Variants in SHANK2 observed in about 807,000 individuals in gnomAD.
The protein encoded by SHANK2 is SH3 and multiple ankyrin repeat domains 2.
SHANK2 carries 43 observed loss-of-function variants against 133.7 expected under a neutral mutation model. That is an observed-to-expected ratio of 0.32 (90% confidence interval 0.25 to 0.41). SHANK2 has a LOEUF of 0.41. Among genes scored for constraint, SHANK2 ranks in the 10% least tolerant of loss-of-function variants. The pLI is 1.00. For synonymous variants in SHANK2, 1,017 were observed against 952.8 expected (o/e 1.07, Z -1.24); for missense variants, 1,994 against 2,235.8 (o/e 0.89, Z 2.18).
chr11:70,521,789 C>T (rs1222753995), intron 17 of SHANK2, among the ~76,000 whole-genome samples: 3 of 152,216 alleles, frequency 2.0e-5, no homozygotes, highest in Admixed American at 6.5e-5. Context: ...GCCTTTCCCA[C>T]GTAACAACAC....
chr11:70,521,128 T>C (rs2059325064), intron 17 of SHANK2, among the ~76,000 whole-genome samples: 1 of 152,218 alleles, frequency 6.6e-6, no homozygotes, highest in South Asian at 2.1e-4. Context: ...TCAACAGAAA[T>C]TTAGGATGAT....
intron 17 of SHANK2, among the ~76,000 whole-genome samples, chr11:70,655,155 G>T (rs478994): frequency 0.27 from 41,171 of 152,130 alleles, 5,664 homozygotes; most frequent in Non-Finnish European, 0.29. Flanking sequence ...CACATTGATT[G>T]TGAAAACATT....
At chr11:70,941,845 AATAATATAATAT>A (rs1950652478) in intron 10 of SHANK2, among the ~76,000 whole-genome samples, 1 of 150,994 alleles carries the variant, frequency 6.6e-6, no homozygotes, top group African/African-American at 2.4e-5. Flanking sequence ...GTGTTATAAC[AATAATATAATAT>A]ATAATAATAA....
chr11:70,658,928 C>T (rs782786656), intron 17 of SHANK2, among the ~76,000 whole-genome samples: 4 of 152,182 alleles, frequency 2.6e-5, no homozygotes, highest in African/African-American at 7.2e-5. Context: ...CATGGAAGAG[C>T]GCGTGCATCC....
chr11:71,083,091 T>C (rs1352540695), intron 8 of SHANK2, among the ~76,000 whole-genome samples: 3 of 152,130 alleles, frequency 2.0e-5, no homozygotes, highest in Admixed American at 6.6e-5. Context: ...ATTACAGGAA[T>C]GTGCCACCAT....
intron 14 of SHANK2, among the ~76,000 whole-genome samples, chr11:70,704,909 C>T (rs1945625692): frequency 6.6e-6 from 1 of 150,662 alleles, no homozygotes; most frequent in Non-Finnish European, 1.5e-5. Flanking sequence ...TAATTTTGGC[C>T]AGTGAATTTT....
At chr11:70,723,810 T>C (rs542477776) in intron 14 of SHANK2, among the ~76,000 whole-genome samples, 4 of 152,198 alleles carry the variant, frequency 2.6e-5, no homozygotes, top group African/African-American at 9.6e-5. Context: ...AGAGGCAATA[T>C]GGGAGAAGCA....
At chr11:71,124,428 C>T (rs768929066) in intron 3 of SHANK2, among the ~76,000 whole-genome samples, 1 of 151,334 alleles carries the variant, frequency 6.6e-6, no homozygotes, top group Non-Finnish European at 1.5e-5. Flanking sequence ...ATAACCATGA[C>T]ACAGTGATGA....
chr11:70,780,011 A>G (rs1947448248), intron 14 of SHANK2, among the ~76,000 whole-genome samples: 2 of 152,176 alleles, frequency 1.3e-5, no homozygotes, highest in Non-Finnish European at 2.9e-5. Flanking sequence ...TTGGACCTAT[A>G]AGGACATAAG....
chr11:71,125,903 A>G (rs1430401772), intron 3 of SHANK2, among the ~76,000 whole-genome samples: 1 of 152,176 alleles, frequency 6.6e-6, no homozygotes, highest in Non-Finnish European at 1.5e-5. Context: ...CATTCAAAAA[A>G]ACCGAGGGCC....
At chr11:70,611,367 C>T (rs533705391) in intron 17 of SHANK2, among the ~76,000 whole-genome samples, 6 of 152,182 alleles carry the variant, frequency 3.9e-5, no homozygotes, top group Non-Finnish European at 5.9e-5. Flanking sequence ...TGGCATTACC[C>T]GTTCCTCGAC....
chr11:70,921,511 G>A (rs1000211249), intron 10 of SHANK2, among the ~76,000 whole-genome samples: 1 of 152,244 alleles, frequency 6.6e-6, no homozygotes, highest in Non-Finnish European at 1.5e-5. Context: ...GTAGAAAAAT[G>A]AATGAGGCAT....
chr11:71,206,892 A>T (rs1454772460), intron 2 of SHANK2, among the ~76,000 whole-genome samples: 2 of 152,108 alleles, frequency 1.3e-5, no homozygotes, highest in African/African-American at 4.8e-5. Context: ...CCTGGGCAAC[A>T]CAGCAAGACC....
chr11:70,623,692 T>G, intron 17 of SHANK2, among the ~76,000 whole-genome samples: 1 of 152,180 alleles, frequency 6.6e-6, no homozygotes. Flanking sequence ...TAATTGATAT[T>G]AAATACGTAA....
chr11:70,826,708 T>C, intron 11 of SHANK2: 1 of 339,678 alleles, frequency 2.9e-6, no homozygotes, highest in South Asian at 2.3e-5. Context: ...ATATTCTGTC[T>C]GTCAGCTGGG....
intron 2 of SHANK2, among the ~76,000 whole-genome samples, chr11:71,177,377 G>A (rs782282283): frequency 2.5e-4 from 38 of 152,094 alleles, no homozygotes; most frequent in Non-Finnish European, 4.3e-4. Context: ...TACAACAATA[G>A]CACAAAGGTT....
chr11:70,889,222 C>T (rs1949798728), intron 11 of SHANK2, among the ~76,000 whole-genome samples: 1 of 152,094 alleles, frequency 6.6e-6, no homozygotes, highest in Non-Finnish European at 1.5e-5. Flanking sequence ...GGAGTAGGAC[C>T]TCTGAGATAT....
At chr11:71,243,521 C>G (rs930489114) in intron 1 of SHANK2, among the ~76,000 whole-genome samples, 1 of 152,030 alleles carries the variant, frequency 6.6e-6, no homozygotes, top group Non-Finnish European at 1.5e-5. Context: ...GGTGAAACCC[C>G]GTCTCTACTA....
chr11:71,197,011 A>AC (rs1368044670), intron 2 of SHANK2, among the ~76,000 whole-genome samples: 3 of 142,266 alleles, frequency 2.1e-5, no homozygotes, highest in African/African-American at 5.5e-5. Context: ...AAAAAAAAAA[A>AC]AAAAAAAACC....
Sources: gnomAD v4.1 joint callset for allele counts (sites outside exome capture counted in the v4.1 genomes callset) on GRCh38, gnomAD v4.1.1 for gene constraint, MANE v1.5 for transcripts, NCBI Gene and HGNC (gene_info 2026-07-23, HGNC 2026-07-21) for gene names.